GPC5: variants seen among roughly 807,000 people sequenced by gnomAD.
GPC5 encodes glypican-5.
GPC5 carries 47 observed loss-of-function variants against 53.9 expected under a neutral mutation model. The observed-to-expected ratio is 0.87, with a 90% CI of 0.69 to 1.11. The LOEUF is 1.11. Among genes scored for constraint, GPC5 ranks in the 50% most tolerant of loss-of-function variants. The pLI is 0.00. For synonymous variants in GPC5, 286 were observed against 263.3 expected, an observed-to-expected ratio of 1.09 and a Z score of -0.84; for missense variants, 748 against 713.1, an observed-to-expected ratio of 1.05 and a Z score of -0.56.
chr13:92,393,261 G>A (rs559507560), intron 7 of GPC5, among the ~76,000 whole-genome samples: 3 of 152,132 alleles, frequency 2.0e-5, no homozygotes, highest in Non-Finnish European at 4.4e-5. Flanking sequence ...TATAGTTGGA[G>A]CTGGAGATCA....
At chr13:91,934,824 C>T (rs2039854858) in intron 6 of GPC5, among the ~76,000 whole-genome samples, 1 of 151,972 alleles carries the variant, frequency 6.6e-6, no homozygotes. Context: ...CCCTTCACTT[C>T]AAGCTAACAG....
At chr13:92,242,876 A>G (rs913786591) in intron 7 of GPC5, among the ~76,000 whole-genome samples, 13 of 152,326 alleles carry the variant, frequency 8.5e-5, no homozygotes, top group African/African-American at 3.1e-4. Context: ...TAAGAAAGAA[A>G]TATTAAAGCT....
At chr13:91,696,918 C>T (rs2035890652) in intron 3 of GPC5, among the ~76,000 whole-genome samples, 1 of 152,172 alleles carries the variant, frequency 6.6e-6, no homozygotes, top group South Asian at 2.1e-4. Context: ...TTGGATTTCA[C>T]ATCTGTCTCT....
chr13:92,443,705 A>G (rs1476127186), intron 7 of GPC5, among the ~76,000 whole-genome samples: 1 of 152,226 alleles, frequency 6.6e-6, no homozygotes, highest in Non-Finnish European at 1.5e-5. Context: ...GACTGCATGC[A>G]TAGCAGCGGT....
At chr13:91,811,170 A>G (rs1307250077) in intron 5 of GPC5, among the ~76,000 whole-genome samples, 1 of 152,048 alleles carries the variant, frequency 6.6e-6, no homozygotes, top group Non-Finnish European at 1.5e-5. Flanking sequence ...TAAAACTTGA[A>G]TCTTTGAGTG....
chr13:92,049,016 A>G (rs545121073), intron 6 of GPC5, among the ~76,000 whole-genome samples: 7 of 152,138 alleles, frequency 4.6e-5, no homozygotes, highest in Non-Finnish European at 1.0e-4. Flanking sequence ...TTCTCTTAGC[A>G]TGTCAAATTA....
intron 2 of GPC5, among the ~76,000 whole-genome samples, chr13:91,560,007 CA>C (rs1464248137): frequency 1.3e-5 from 2 of 152,084 alleles, no homozygotes; most frequent in Non-Finnish European, 2.9e-5. Context: ...ATGTAACAAT[CA>C]GTAAGGCTGA....
intron 7 of GPC5, among the ~76,000 whole-genome samples, chr13:92,489,887 A>T (rs569958677): frequency 7.3e-5 from 11 of 151,632 alleles, no homozygotes; most frequent in Non-Finnish European, 1.5e-4. Context: ...AAAAAAAAAA[A>T]GTCAGCTTCT....
At chr13:92,748,425 C>T (rs534082716) in intron 7 of GPC5, among the ~76,000 whole-genome samples, 122 of 151,394 alleles carry the variant, frequency 8.1e-4, no homozygotes, top group Non-Finnish European at 1.5e-3. Flanking sequence ...CCTCTGCCTC[C>T]CAGGTTAAGC....
chr13:92,067,352 C>T (rs1299018643), intron 6 of GPC5, among the ~76,000 whole-genome samples: 1 of 152,026 alleles, frequency 6.6e-6, no homozygotes, highest in Non-Finnish European at 1.5e-5. Flanking sequence ...CTTAAGAATG[C>T]AAGCTGGGTA....
intron 7 of GPC5, among the ~76,000 whole-genome samples, chr13:92,478,292 C>T (rs1469435472): frequency 6.6e-6 from 1 of 152,118 alleles, no homozygotes; most frequent in Non-Finnish European, 1.5e-5. Context: ...CCTGCAATTT[C>T]TCTTGATCCT....
chr13:92,779,286 C>T (rs959745240), intron 7 of GPC5, among the ~76,000 whole-genome samples: 2 of 152,120 alleles, frequency 1.3e-5, no homozygotes, highest in African/African-American at 4.8e-5. Context: ...TCAATTACCT[C>T]CCACTGGGTC....
intron 2 of GPC5, among the ~76,000 whole-genome samples, chr13:91,612,867 C>T (rs1224687100): frequency 6.6e-6 from 1 of 152,070 alleles, no homozygotes; most frequent in Non-Finnish European, 1.5e-5. Context: ...AACAACCCTA[C>T]CATCACAGAA....
intron 7 of GPC5, among the ~76,000 whole-genome samples, chr13:92,767,131 G>A (rs1875432961): frequency 6.6e-6 from 1 of 152,018 alleles, no homozygotes; most frequent in African/African-American, 2.4e-5. Context: ...GAGGCACATT[G>A]TTTTTGTTTG....
intron 6 of GPC5, among the ~76,000 whole-genome samples, chr13:92,144,128 A>C (rs1227919525): frequency 6.6e-6 from 1 of 152,168 alleles, no homozygotes; most frequent in African/African-American, 2.4e-5. Context: ...ATGTTGTTCA[A>C]AAGTATTACT....
At chr13:91,510,217 G>A (rs921571473) in intron 2 of GPC5, among the ~76,000 whole-genome samples, 2 of 151,904 alleles carry the variant, frequency 1.3e-5, no homozygotes, top group Admixed American at 6.6e-5. Context: ...GCTATCATTT[G>A]TATTGTGCAA....
intron 7 of GPC5, among the ~76,000 whole-genome samples, chr13:92,168,445 A>G (rs369843968): frequency 1.6e-4 from 24 of 152,224 alleles, no homozygotes; most frequent in African/African-American, 5.8e-4. Context: ...TCTATCTGAC[A>G]AAGTTCGAAT....
chr13:92,741,117 T>C (rs1376341181), intron 7 of GPC5, among the ~76,000 whole-genome samples: 1 of 150,948 alleles, frequency 6.6e-6, no homozygotes, highest in Non-Finnish European at 1.5e-5. Flanking sequence ...CAAATGTATG[T>C]TGGAAATGTA....
At chr13:92,437,391 T>C (rs1877350651) in intron 7 of GPC5, among the ~76,000 whole-genome samples, 1 of 152,256 alleles carries the variant, frequency 6.6e-6, no homozygotes, top group East Asian at 1.9e-4. Flanking sequence ...GCTCCTGGCC[T>C]AGAGATACTG....
Sources: allele counts gnomAD v4.1 joint callset (sites outside exome capture counted in the v4.1 genomes callset), GRCh38; gene constraint gnomAD v4.1.1; transcripts MANE v1.5; gene names NCBI Gene and HGNC (gene_info 2026-07-23, HGNC 2026-07-21).